TGFA: variants seen among roughly 807,000 people sequenced by gnomAD.
TGFA encodes transforming growth factor alpha, also known as protransforming growth factor alpha.
A neutral mutation model predicts 21.7 loss-of-function variants in TGFA; 12 were observed. The ratio of observed to expected loss-of-function variants is 0.55; its 90% CI spans 0.35 to 0.90. The LOEUF is 0.90. TGFA is among the 40% of genes least tolerant of loss of function. TGFA has a pLI of 0.01. For synonymous variants in TGFA, 79 were observed against 88.1 expected (o/e 0.90, Z 0.58); for missense variants, 178 against 210.8 (o/e 0.84, Z 0.96).
At chr2:70,494,850 A>C (rs1671534765) in intron 2 of TGFA, among the ~76,000 whole-genome samples, 1 of 152,128 alleles carries the variant, frequency 6.6e-6, no homozygotes. Context: ...TTGGTGTGTG[A>C]GTTTATTTTA....
chr2:70,511,109 G>A (rs1156340902), intron 2 of TGFA, among the ~76,000 whole-genome samples: 2 of 152,116 alleles, frequency 1.3e-5, no homozygotes, highest in African/African-American at 2.4e-5. Context: ...AAAGTGTGTC[G>A]GCTTCACCCT....
chr2:70,452,476 A>AT (rs1457411751), intron 5 of TGFA, among the ~76,000 whole-genome samples: 1 of 127,400 alleles, frequency 7.8e-6, no homozygotes, highest in African/African-American at 2.7e-5. Context: ...TTTTAAGGTC[A>AT]TTAGAGACCT....
At chr2:70,543,712 A>G (rs1440399880) in intron 1 of TGFA, among the ~76,000 whole-genome samples, 1 of 152,148 alleles carries the variant, frequency 6.6e-6, no homozygotes, top group Non-Finnish European at 1.5e-5. Flanking sequence ...TGAACTGACC[A>G]CTAAAAAGGG....
chr2:70,550,786 A>C lies in TGFA; in HGVS notation c.40+2942T>G, dbSNP rs925560161. 4.6e-5 allele frequency among the ~76,000 whole-genome samples: 7 copies of C among 152,334 alleles called. No homozygotes were observed. In the East Asian group the frequency reaches 1.2e-3, roughly 25 times the overall value. ...CAGTGAGCCGAGATCGCGCCACTGC[A>C]CTCCAGCCTGGGAGACAGAGCGAGA... On this transcript the variant is annotated intron_variant, in intron 1 of 5. Transcript: ENST00000295400.
intron 2 of TGFA, among the ~76,000 whole-genome samples, chr2:70,510,570 C>T (rs1184776301): frequency 1.3e-5 from 2 of 152,048 alleles, no homozygotes; most frequent in Non-Finnish European, 2.9e-5. Context: ...TCAAAAAAAC[C>T]CTCAGAAAAC....
rs143898502 is a variant in TGFA, at chr2:70,458,611, C to T, written c.216-2123G>A. ...TACCCTCCATTGTGCATCTCAACTC[C>T]GGCTACCTTTTCCACCTGGAATATC... On this transcript the variant is annotated intron_variant, in intron 3 of 5. Coordinates refer to ENST00000295400, the MANE Select transcript of TGFA (RefSeq NM_003236.4). 9.8e-5 allele frequency among the ~76,000 whole-genome samples: 15 copies of T among 152,308 alleles called. No homozygotes were observed. The East Asian group carries it at 2.5e-3, about 25-fold the overall frequency.
rs1052969576 is a variant in TGFA, at chr2:70,450,475, T to C, written c.*384A>G. The stretch of plus-strand genomic sequence containing the variant: ...AAATCTCCTGTGTTGGGCAGAATTC[T>C]GTTGTGGGGAGGTGGCCCATTAAAA... On this transcript the variant is annotated 3_prime_UTR_variant, in exon 6 of 6. Transcript: ENST00000295400. The C allele has an allele frequency of 4.2e-5, 8 of 188,714 alleles. No homozygotes were observed. The East Asian group carries it at 1.0e-3, about 24-fold the overall frequency. The allele number at this position is 188,714 out of a possible 1,614,324, so 11.7% of individuals were successfully genotyped here. A position where few individuals can be genotyped will look rare whatever the true frequency, so the allele number is the denominator to read the frequency against.
At chr2:70,491,362 G>T (rs1021573528) in intron 2 of TGFA, among the ~76,000 whole-genome samples, 10 of 152,108 alleles carry the variant, frequency 6.6e-5, no homozygotes, top group Admixed American at 1.3e-4. Context: ...AGTAAAGTGT[G>T]GGGGGCCCAA....
chr2:70,548,748 T>C (rs1210639937), intron 1 of TGFA, among the ~76,000 whole-genome samples: 17 of 152,236 alleles, frequency 1.1e-4, no homozygotes, highest in Non-Finnish European at 5.9e-5. Context: ...ATTTATTTCT[T>C]AAGTCATACT....
intron 2 of TGFA, among the ~76,000 whole-genome samples, chr2:70,511,719 A>G (rs1559127810): frequency 6.6e-6 from 1 of 152,156 alleles, no homozygotes; most frequent in Non-Finnish European, 1.5e-5. Context: ...ACCCCGGCAC[A>G]GGGAGAAATT....
intron 2 of TGFA, among the ~76,000 whole-genome samples, chr2:70,490,200 A>AT (rs1210835893): frequency 6.6e-6 from 1 of 152,252 alleles, no homozygotes; most frequent in Non-Finnish European, 1.5e-5. Flanking sequence ...AGCAAAATTT[A>AT]TTGAAAATAA....
Position 70,476,964 on chromosome 2 carries a change from G to A in TGFA, c.95-11228C>T, listed in dbSNP as rs548704990. ...AGAGGAAAGAAGCTGAGATGTAAGA[G>A]AGTGGTCGAATTATACGCAATTATT... is the stretch of plus-strand genomic sequence containing the variant. On this transcript the variant is annotated intron_variant, in intron 2 of 5. Transcript: ENST00000295400. Among the ~76,000 whole-genome samples the A allele has an allele frequency of 9.8e-5, 15 of 152,344 alleles. No homozygotes were observed. In the South Asian group the frequency reaches 3.1e-3, roughly 32 times the overall value.
intron 2 of TGFA, among the ~76,000 whole-genome samples, chr2:70,486,755 C>T (rs185632944): frequency 3.4e-4 from 52 of 152,016 alleles, no homozygotes; most frequent in African/African-American, 1.2e-3. Context: ...AGCTACCATG[C>T]CTGCCTATTT....
At chr2:70,508,371 G>C (rs1671992660) in intron 2 of TGFA, among the ~76,000 whole-genome samples, 1 of 152,192 alleles carries the variant, frequency 6.6e-6, no homozygotes, top group Non-Finnish European at 1.5e-5. Context: ...CTTGAATCTG[G>C]GAGGCAGAGG....
intron 1 of TGFA, among the ~76,000 whole-genome samples, chr2:70,527,715 C>T (rs1466989942): frequency 3.3e-5 from 5 of 152,312 alleles, no homozygotes; most frequent in Admixed American, 2.6e-4. Context: ...ACAGGTGAAA[C>T]TATGCAGTGG....
chr2:70,553,348 C>T, intron 1 of TGFA: 1 of 1,480,650 alleles, frequency 6.8e-7, no homozygotes, highest in African/African-American at 1.4e-5. Flanking sequence ...GCGGCCCAGT[C>T]TACACGCCAG....
At chr2:70,518,375 C>G (rs1165700594) in intron 1 of TGFA, among the ~76,000 whole-genome samples, 1 of 152,192 alleles carries the variant, frequency 6.6e-6, no homozygotes, top group South Asian at 2.1e-4. Flanking sequence ...GATCCTGTGT[C>G]CCTCAAAATA....
intron 2 of TGFA, among the ~76,000 whole-genome samples, chr2:70,502,672 G>A (rs1472199113): frequency 6.6e-6 from 1 of 152,200 alleles, no homozygotes; most frequent in Non-Finnish European, 1.5e-5. Context: ...TTATGCGATT[G>A]ATCCTGTCAT....
At chr2:70,537,644 C>A (rs12477743) in intron 1 of TGFA, among the ~76,000 whole-genome samples, 7,841 of 152,300 alleles carry the variant, frequency 0.051, 398 homozygotes, top group Admixed American at 0.16. Context: ...CCAAAGCCTA[C>A]TCCAGAGTAA....
Sources: allele counts gnomAD v4.1 joint callset (sites outside exome capture counted in the v4.1 genomes callset), GRCh38; gene constraint gnomAD v4.1.1; transcripts MANE v1.5; gene names NCBI Gene and HGNC (gene_info 2026-07-23, HGNC 2026-07-21).